The following CBX1 variants were observed in gnomAD, a reference collection of about 807,000 sequenced individuals.
CBX1 encodes chromobox protein homolog 1.
CBX1 carries 10 observed loss-of-function variants against 25.1 expected under a neutral mutation model. That is an observed-to-expected ratio of 0.40 (90% confidence interval 0.25 to 0.68). The LOEUF (loss-of-function observed/expected upper bound fraction) is 0.68, where lower values mean the gene tolerates loss of function less well. Ranked by LOEUF, CBX1 falls within the 30% of genes least tolerant of loss-of-function variation. CBX1 has a pLI of 0.40. For missense variants in CBX1, 106 were observed against 218.5 expected, an observed-to-expected ratio of 0.49 and a Z score of 3.25; for synonymous variants, 63 against 79.4, an observed-to-expected ratio of 0.79 and a Z score of 1.10.
intron 1 of CBX1, among the ~76,000 whole-genome samples, chr17:48,079,858 T>TTAAACA (rs1166967287): frequency 1.3e-5 from 2 of 152,168 alleles, no homozygotes; most frequent in Non-Finnish European, 2.9e-5. Context: ...TTCTCTAAAC[T>TTAAACA]GGAACCCTGT....
chr17:48,082,111 T>C (rs2037743727), intron 1 of CBX1, among the ~76,000 whole-genome samples: 1 of 152,018 alleles, frequency 6.6e-6, no homozygotes, highest in African/African-American at 2.4e-5. Flanking sequence ...CTGGGTGTGC[T>C]GGGAGGATCG....
chr17:48,080,421 T>C (rs750391149), intron 1 of CBX1, among the ~76,000 whole-genome samples: 9 of 152,114 alleles, frequency 5.9e-5, no homozygotes, highest in Non-Finnish European at 8.8e-5. Context: ...TGAAACAAAA[T>C]TGATCAACAA....
intron 1 of CBX1, among the ~76,000 whole-genome samples, chr17:48,100,208 A>T (rs928730861): frequency 3.9e-5 from 6 of 151,926 alleles, no homozygotes; most frequent in South Asian, 2.1e-4. Flanking sequence ...AAAGCTGGCT[A>T]AAAACAGAAG....
chr17:48,094,860 A>T (rs2063364775), intron 1 of CBX1, among the ~76,000 whole-genome samples: 1 of 151,982 alleles, frequency 6.6e-6, no homozygotes, highest in Non-Finnish European at 1.5e-5. Context: ...CAGCCTGGCC[A>T]ACATGGTGAC....
At chr17:48,084,589 A>G (rs2037770156) in intron 1 of CBX1, among the ~76,000 whole-genome samples, 1 of 149,018 alleles carries the variant, frequency 6.7e-6, no homozygotes, top group Non-Finnish European at 1.5e-5. Flanking sequence ...GGCATGAACC[A>G]TGGCGCCCTG....
chr17:48,084,913 A>G (rs1215119317), intron 1 of CBX1, among the ~76,000 whole-genome samples: 1 of 151,892 alleles, frequency 6.6e-6, no homozygotes, highest in Admixed American at 6.6e-5. Flanking sequence ...CCGTCTCACA[A>G]AAAAAAACAA....
Position 48,071,519 on chromosome 17 carries a change from C to T in CBX1, c.474G>A (p.Gln158=). 1 of 1,613,654 alleles carries T rather than the reference C, an allele frequency of 6.2e-7. No homozygotes were observed. ...TTTCCTCATAGAAGGATATGACAAC[C>T]TGTGGGCACTTGACATTGGCTTCCT... The part of the protein sequence containing the change: ...PAKEANVKCP[Q]VVISFYEERL... Residue 158 remains glutamine, a synonymous_variant, in exon 5 of 5, where the codon CAG becomes CAA. Transcript: ENST00000225603.
At chr17:48,079,402 A>G (rs2037710425) in intron 1 of CBX1, among the ~76,000 whole-genome samples, 1 of 152,238 alleles carries the variant, frequency 6.6e-6, no homozygotes, top group Non-Finnish European at 1.5e-5. Context: ...CACTGTGCCC[A>G]GCCATGTTCT....
At chr17:48,079,885 A>AC (rs2037714828) in intron 1 of CBX1, among the ~76,000 whole-genome samples, 3 of 152,220 alleles carry the variant, frequency 2.0e-5, no homozygotes, top group African/African-American at 7.2e-5. Flanking sequence ...TTGGAAAACA[A>AC]GTGTGGGGAA....
Position 48,086,912 on chromosome 17 carries a change from G to A in CBX1, c.-37-9871C>T, listed in dbSNP as rs183917217. On this transcript the variant is annotated intron_variant, in intron 1 of 4. Transcript: ENST00000225603. ...AAACAATAAATAAACAAAAATGGCC[G>A]GGCGCGGTGGCTCACGCCTGTAATT... Among the ~76,000 whole-genome samples the A allele has an allele frequency of 1.0e-3, 155 of 152,074 alleles. 1 individual carries two copies. Among genetic ancestry groups the A allele is most frequent in the Non-Finnish European group, 1.1e-3 (78 of 67,992 alleles).
At position 48,078,787 on chromosome 17, in the gene CBX1, CTTTTTTTT is replaced by C. The variant is rs1184844619; in HGVS notation, c.-37-1754_-37-1747del. On this transcript the variant is annotated intron_variant, in intron 1 of 4. Coordinates refer to ENST00000225603, the MANE Select transcript of CBX1 (RefSeq NM_001127228.2). ...ACAAGCGTGAGCCACCGTGCCTGGA[CTTTTTTTT>C]TTTTTTTTTTTTTTGAGACGGAGTC... Among the ~76,000 whole-genome samples, 31 of 76,254 alleles carry C rather than the reference CTTTTTTTT, an allele frequency of 4.1e-4. No individual in the cohort carries two copies. In the South Asian group the frequency reaches 7.1e-3, roughly 17 times the overall value. 50.0% of individuals were successfully genotyped at this position (76,254 alleles called of 152,430 possible).
At position 48,086,638 on chromosome 17, in the gene CBX1, C is replaced by T. The variant is rs144602975; in HGVS notation, c.-37-9597G>A. Among the ~76,000 whole-genome samples the T allele has an allele frequency of 7.9e-4, 120 of 151,580 alleles. No homozygotes were observed. The East Asian group carries it at 0.022, about 28-fold the overall frequency. On this transcript the variant is annotated intron_variant, in intron 1 of 4. Transcript: ENST00000225603. ...TGGGAGGCTGAGGCAGGCAAATTAC[C>T]TGAGATCAGGAGTTTGAGACCAGCC...
chr17:48,075,197 CTT>C (rs951331474), intron 3 of CBX1, 97 bp from the exon 4 acceptor site: 5,514 of 625,752 alleles, frequency 8.8e-3, no homozygotes, highest in South Asian at 0.011. Context: ...ATCACAAACT[CTT>C]TTTTTTTTTT....
intron 1 of CBX1, among the ~76,000 whole-genome samples, chr17:48,095,513 C>T (rs778281400): frequency 6.6e-6 from 1 of 152,062 alleles, no homozygotes; most frequent in Non-Finnish European, 1.5e-5. Context: ...GCTGAGATTG[C>T]ACCATTGCAC....
At chr17:48,095,714 C>G (rs901211903) in intron 1 of CBX1, 2 of 152,188 alleles carry the variant, frequency 1.3e-5, no homozygotes, top group Non-Finnish European at 2.9e-5. Flanking sequence ...CAACTACATA[C>G]CAATCATCAA....
intron 1 of CBX1, among the ~76,000 whole-genome samples, chr17:48,077,450 T>TGG (rs1440118107): frequency 9.2e-6 from 1 of 109,020 alleles, no homozygotes; most frequent in African/African-American, 3.1e-5. Context: ...TTTTTGTTTT[T>TGG]TTTGTTTTTT....
chr17:48,085,575 CAAT>C lies in CBX1; in HGVS notation c.-37-8537_-37-8535del, dbSNP rs2063307849. Among the ~76,000 whole-genome samples, 5 of 142,118 alleles carry C rather than the reference CAAT, an allele frequency of 3.5e-5. No homozygotes were observed. In the East Asian group the frequency reaches 8.3e-4, roughly 24 times the overall value. 93.2% of individuals were successfully genotyped at this position (142,118 alleles called of 152,430 possible). On this transcript the variant is annotated intron_variant, in intron 1 of 4. Coordinates refer to ENST00000225603, the MANE Select transcript of CBX1 (RefSeq NM_001127228.2). ...TATGGCTCTGTTAAAAAAAAAAAAA[CAAT>C]GATTTTTAATTGGTTTCTGGAATAT...
intron 1 of CBX1, among the ~76,000 whole-genome samples, chr17:48,080,919 C>CAA (rs1176173688): frequency 8.7e-5 from 1 of 11,546 alleles, no homozygotes; most frequent in Non-Finnish European, 1.4e-4. Flanking sequence ...GACTCCATCT[C>CAA]AAAAAAAAAA....
intron 1 of CBX1, among the ~76,000 whole-genome samples, chr17:48,079,044 G>A (rs1270126090): frequency 2.6e-5 from 4 of 151,700 alleles, no homozygotes; most frequent in African/African-American, 9.7e-5. Flanking sequence ...TGATTCACCC[G>A]TGCTGGCCTC....
Sources: gnomAD v4.1 joint callset for allele counts (sites outside exome capture counted in the v4.1 genomes callset) on GRCh38, gnomAD v4.1.1 for gene constraint, MANE v1.5 for transcripts, NCBI Gene and HGNC (gene_info 2026-07-23, HGNC 2026-07-21) for gene names.